Variants in NSF observed in about 807,000 individuals in gnomAD.
NSF encodes the protein N-ethylmaleimide sensitive factor, vesicle fusing ATPase, also known as vesicle-fusing ATPase.
In NSF, 14 loss-of-function variants were observed where a neutral mutation model predicts 50.3. The ratio of observed to expected loss-of-function variants is 0.28; its 90% CI spans 0.18 to 0.44. The LOEUF (loss-of-function observed/expected upper bound fraction) is 0.44, where lower values mean the gene tolerates loss of function less well. NSF is among the 20% of genes least tolerant of loss of function. The pLI is 1.00. For missense variants in NSF, 218 were observed against 504.3 expected, an observed-to-expected ratio of 0.43 and a Z score of 5.44; for synonymous variants, 109 against 175.7, an observed-to-expected ratio of 0.62 and a Z score of 3.00.
intron 17 of NSF, among the ~76,000 whole-genome samples, chr17:46,745,989 C>T (rs1277842958): frequency 6.6e-6 from 1 of 152,170 alleles, no homozygotes; most frequent in Non-Finnish European, 1.5e-5. Flanking sequence ...TCATTCCTTA[C>T]GACTCAACTC....
intron 19 of NSF, 57 bp from the exon 20 acceptor site, chr17:46,755,257 G>A (rs1034064272): frequency 3.4e-5 from 45 of 1,319,614 alleles, no homozygotes; most frequent in Non-Finnish European, 4.9e-5. Flanking sequence ...CATGAAGCAA[G>A]TGCAGAGTTG....
At chr17:46,749,070 T>C (rs1392294516) in intron 17 of NSF, among the ~76,000 whole-genome samples, 3 of 152,154 alleles carry the variant, frequency 2.0e-5, no homozygotes, top group Non-Finnish European at 2.9e-5. Flanking sequence ...TAAATCATAT[T>C]TAAAGCTGAA....
At chr17:46,740,609 TC>T (rs1307646075) in intron 17 of NSF, among the ~76,000 whole-genome samples, 15 of 152,182 alleles carry the variant, frequency 9.9e-5, no homozygotes, top group African/African-American at 2.6e-4. Context: ...ACAGAACCCT[TC>T]CTTTAAGGTA....
chr17:46,722,229 A>G lies in NSF; in HGVS notation c.1762-4320A>G, dbSNP rs1483685841. 3.0e-6 allele frequency: 4 copies of G among 1,324,938 alleles called. No homozygotes were observed. The East Asian group carries it at 9.2e-5, about 30-fold the overall frequency. 82.1% of individuals were successfully genotyped at this position (1,324,938 alleles called of 1,614,324 possible). On this transcript the variant is annotated intron_variant, in intron 15 of 20. Transcript: ENST00000398238. ...GAAGAGACCCAAATCTCGCGAGAGC[A>G]CGTCAAAATCCCTACATTCTTAAGA...
At chr17:46,678,601 G>A (rs2058424020) in intron 9 of NSF, among the ~76,000 whole-genome samples, 1 of 128,384 alleles carries the variant, frequency 7.8e-6, no homozygotes, top group South Asian at 2.7e-4. Flanking sequence ...AGAGAAAATG[G>A]TTTAGAACTT....
intron 17 of NSF, among the ~76,000 whole-genome samples, chr17:46,735,386 C>T (rs1416357013): frequency 6.6e-6 from 1 of 151,466 alleles, no homozygotes; most frequent in Non-Finnish European, 1.5e-5. Context: ...ATTATAACGT[C>T]GTAGTAGTCC....
chr17:46,709,294 G>A (rs1383013280), intron 13 of NSF, among the ~76,000 whole-genome samples: 1 of 151,924 alleles, frequency 6.6e-6, no homozygotes, highest in African/African-American at 2.4e-5. Flanking sequence ...CCATGAGGAA[G>A]TGACAACTAA....
chr17:46,638,746 G>A (rs1382897112), intron 5 of NSF, among the ~76,000 whole-genome samples: 2 of 130,158 alleles, frequency 1.5e-5, no homozygotes, highest in Non-Finnish European at 3.1e-5. Context: ...GACCTCAAGT[G>A]ATCCTCCCAC....
In NSF at chr17:46,750,955, C is replaced by T. The variant is rs1398245676; in HGVS notation, c.2044-548C>T. Among the ~76,000 whole-genome samples, 4 of 152,062 alleles carry T rather than the reference C, an allele frequency of 2.6e-5. No individual in the cohort carries two copies. In the South Asian group the frequency reaches 8.3e-4, roughly 32 times the overall value. ...GTCATTTTTAAAAAAGAACGTTCTT[C>T]ATTTAACTTTTAATATCAATATTCA... is the stretch of plus-strand genomic sequence containing the variant. On this transcript the variant is annotated intron_variant, in intron 18 of 20. Transcript: ENST00000398238.
At chr17:46,753,234 CATT>C (rs2059201092) in intron 19 of NSF, among the ~76,000 whole-genome samples, 1 of 152,188 alleles carries the variant, frequency 6.6e-6, no homozygotes, top group South Asian at 2.1e-4. Flanking sequence ...GATGGTCCTG[CATT>C]CTGCTAGTGT....
intron 1 of NSF, among the ~76,000 whole-genome samples, chr17:46,615,701 A>T (rs1307767818): frequency 6.4e-5 from 3 of 46,626 alleles, no homozygotes; most frequent in African/African-American, 3.4e-4. Flanking sequence ...TGGGTGATAA[A>T]GCCAGACCTT....
chr17:46,612,220 T>TTTC (rs2058023874), intron 1 of NSF, among the ~76,000 whole-genome samples: 1 of 111,244 alleles, frequency 9.0e-6, no homozygotes, highest in Non-Finnish European at 1.8e-5. Flanking sequence ...ACTTTTTTTT[T>TTTC]TTTTTTTTTT....
At chr17:46,713,713 C>G (rs913979345) in intron 14 of NSF, 140 bp from the exon 15 acceptor site, 3 of 701,420 alleles carry the variant, frequency 4.3e-6, no homozygotes, top group African/African-American at 3.7e-5. Context: ...GAAAACATGT[C>G]TGCTGTGAAA....
intron 9 of NSF, among the ~76,000 whole-genome samples, chr17:46,685,821 AG>A (rs1319845823): frequency 6.6e-6 from 1 of 150,914 alleles, no homozygotes; most frequent in Non-Finnish European, 1.5e-5. Context: ...ACCTGATGAC[AG>A]GTAACAAGAT....
chr17:46,679,863 A>G lies in NSF; in HGVS notation c.945+5250A>G, dbSNP rs2058437534. Among the ~76,000 whole-genome samples the G allele has an allele frequency of 4.0e-5, 6 of 151,426 alleles. No individual in the cohort carries two copies. In the South Asian group the frequency reaches 6.3e-4, roughly 16 times the overall value. On this transcript the variant is annotated intron_variant, in intron 9 of 20. Coordinates refer to ENST00000398238, the MANE Select transcript of NSF (RefSeq NM_006178.4). ...AAAGAAATAACAAGACTCAAAGACA[A>G]TGTGATGATAATAAAAAGGTAATTT...
intron 17 of NSF, among the ~76,000 whole-genome samples, chr17:46,734,520 A>G (rs958162436): frequency 1.3e-5 from 2 of 152,092 alleles, no homozygotes; most frequent in African/African-American, 4.8e-5. Flanking sequence ...TTTCTTGGAA[A>G]GTCCTTTGTA....
intron 17 of NSF, among the ~76,000 whole-genome samples, chr17:46,738,030 C>T (rs1279937163): frequency 6.6e-6 from 1 of 151,820 alleles, no homozygotes; most frequent in Non-Finnish European, 1.5e-5. Context: ...ACCTCCTGGG[C>T]TCAATTGATC....
rs1319157245 is a variant in NSF at position 46,749,796 on chromosome 17, G to C, written c.1932G>C (p.Gly644=). 1.2e-6 allele frequency: 2 copies of C among 1,613,768 alleles called. No individual in the cohort carries two copies. Among genetic ancestry groups the C allele is most frequent in the Non-Finnish European group, 1.7e-6 (2 of 1,179,900 alleles). ...AGGGCCGCAAGCTTCTTATCATTGG[G>C]ACCACTAGCCGCAAAGATGTCCTTC... ...PPQGRKLLII[G]TTSRKDVLQE... Residue 644 remains glycine, a synonymous_variant, in exon 18 of 21, where the codon GGG becomes GGC. Transcript: ENST00000398238.
At chr17:46,727,978 A>G (rs1235320936) in intron 16 of NSF, among the ~76,000 whole-genome samples, 1 of 152,042 alleles carries the variant, frequency 6.6e-6, no homozygotes, top group East Asian at 1.9e-4. Flanking sequence ...AGAATGTGCC[A>G]TGTATTTTGG....
Sources: gnomAD v4.1 joint callset for allele counts (sites outside exome capture counted in the v4.1 genomes callset) on GRCh38, gnomAD v4.1.1 for gene constraint, MANE v1.5 for transcripts, NCBI Gene and HGNC (gene_info 2026-07-23, HGNC 2026-07-21) for gene names.